The following SIPA1L3 variants were observed in gnomAD, a reference collection of about 807,000 sequenced individuals.
The protein encoded by SIPA1L3 is signal-induced proliferation-associated 1-like protein 3.
Under a neutral mutation model 150.1 loss-of-function variants are expected in SIPA1L3, and 59 were observed. That is an observed-to-expected ratio of 0.39 (90% confidence interval 0.32 to 0.49). The LOEUF (loss-of-function observed/expected upper bound fraction) is 0.49, where lower values mean the gene tolerates loss of function less well. Ranked by LOEUF, SIPA1L3 falls within the 20% of genes least tolerant of loss-of-function variation. The pLI is 0.86. For missense variants in SIPA1L3, 2,211 were observed against 2,489.5 expected (o/e 0.89, Z 2.38); for synonymous variants, 1,070 against 1,077.6 (o/e 0.99, Z 0.14).
intron 15 of SIPA1L3, among the ~76,000 whole-genome samples, chr19:38,170,521 C>G (rs559098890): frequency 1.3e-5 from 2 of 152,192 alleles, no homozygotes. Context: ...ATTGACTGCC[C>G]TATGTCTACC....
chr19:37,967,309 G>C (rs1178189361), intron 1 of SIPA1L3, among the ~76,000 whole-genome samples: 1 of 151,106 alleles, frequency 6.6e-6, no homozygotes, highest in East Asian at 1.9e-4. Flanking sequence ...CTGGAGTGCA[G>C]TGGTGTGATC....
At chr19:38,027,339 A>T (rs1447261601) in intron 1 of SIPA1L3, among the ~76,000 whole-genome samples, 2 of 152,154 alleles carry the variant, frequency 1.3e-5, no homozygotes, top group African/African-American at 4.8e-5. Context: ...CCAGGTTGCC[A>T]GTAGGAGTCC....
chr19:38,111,178 C>G (rs569681345), intron 8 of SIPA1L3, among the ~76,000 whole-genome samples: 4 of 151,970 alleles, frequency 2.6e-5, no homozygotes, highest in Non-Finnish European at 4.4e-5. Flanking sequence ...GTGCACACCC[C>G]CATGCCTGGC....
At chr19:37,946,822 T>A (rs2046716166) in intron 1 of SIPA1L3, among the ~76,000 whole-genome samples, 1 of 152,220 alleles carries the variant, frequency 6.6e-6, no homozygotes, top group African/African-American at 2.4e-5. Flanking sequence ...ATTTTCTTCC[T>A]AGTTATTTTA....
intron 1 of SIPA1L3, among the ~76,000 whole-genome samples, chr19:37,996,212 G>C (rs1243816666): frequency 6.6e-6 from 1 of 152,120 alleles, no homozygotes; most frequent in African/African-American, 2.4e-5. Flanking sequence ...ATAGGCGTGA[G>C]CCAGCACACC....
chr19:38,010,124 C>T (rs1968061486), intron 1 of SIPA1L3, among the ~76,000 whole-genome samples: 2 of 152,188 alleles, frequency 1.3e-5, no homozygotes, highest in South Asian at 4.2e-4. Flanking sequence ...GTTAGTAGAG[C>T]TATTAAGAAC....
At chr19:37,939,399 CAAAAAAA>C (rs753230257) in intron 1 of SIPA1L3, among the ~76,000 whole-genome samples, 2 of 69,218 alleles carry the variant, frequency 2.9e-5, no homozygotes, top group Admixed American at 1.6e-4. Flanking sequence ...GACTCCATGT[CAAAAAAA>C]AAAAAAAAAA....
At position 38,080,024 on chromosome 19, in the gene SIPA1L3, C is replaced by T. The variant is rs137952482; in HGVS notation, c.-310-1232C>T. ...GGAGAGACATGGAAGCCAGATCCTG[C>T]GGGGCTTGTGGAGCAGGGGAAGGAG... On this transcript the variant is annotated intron_variant, in intron 2 of 21. Coordinates refer to ENST00000222345, the MANE Select transcript of SIPA1L3 (RefSeq NM_015073.3). 1.2e-4 allele frequency among the ~76,000 whole-genome samples: 18 copies of T among 152,186 alleles called. No homozygotes were observed. In the East Asian group the frequency reaches 2.3e-3, roughly 20 times the overall value.
chr19:38,182,496 T>A, intron 15 of SIPA1L3, 23 bp from the exon 16 acceptor site: 1 of 1,557,344 alleles, frequency 6.4e-7, no homozygotes, highest in East Asian at 2.3e-5. Flanking sequence ...GTTTTTTTTA[T>A]CTCTTTCATT....
intron 2 of SIPA1L3, among the ~76,000 whole-genome samples, chr19:38,067,272 C>T (rs529824672): frequency 6.5e-4 from 99 of 152,186 alleles, no homozygotes; most frequent in African/African-American, 2.4e-3. Flanking sequence ...TTCTATTCCC[C>T]CAAGGGGAGA....
intron 1 of SIPA1L3, among the ~76,000 whole-genome samples, chr19:37,993,609 G>A (rs933188229): frequency 2.0e-5 from 3 of 152,202 alleles, no homozygotes; most frequent in African/African-American, 7.2e-5. Context: ...GATACGTTCA[G>A]GGGAACAGAT....
intron 18 of SIPA1L3, among the ~76,000 whole-genome samples, chr19:38,194,268 G>A (rs931177918): frequency 3.3e-5 from 5 of 152,220 alleles, no homozygotes; most frequent in East Asian, 3.9e-4. Flanking sequence ...AGCACTCCCC[G>A]TAAACAGGTA....
At chr19:37,941,452 GTTTT>G (rs573938334) in intron 1 of SIPA1L3, among the ~76,000 whole-genome samples, 2 of 115,696 alleles carry the variant, frequency 1.7e-5, no homozygotes, top group Non-Finnish European at 3.7e-5. Flanking sequence ...TCTGTTGTGT[GTTTT>G]TTTTTTTTTT....
At chr19:38,196,436 A>AGCAAGGAGGTCAAGGGCG (rs1555797202) in intron 18 of SIPA1L3, among the ~76,000 whole-genome samples, 28 of 136,768 alleles carry the variant, frequency 2.0e-4, no homozygotes, top group Non-Finnish European at 3.8e-4. Flanking sequence ...GGTCAAGGGC[A>AGCAAGGAGGTCAAGGGCG]GAGCAAGGAG....
intron 2 of SIPA1L3, among the ~76,000 whole-genome samples, chr19:38,055,883 A>G (rs1969303410): frequency 6.6e-6 from 1 of 152,246 alleles, no homozygotes; most frequent in African/African-American, 2.4e-5. Flanking sequence ...CCCACCCCAT[A>G]GGAGAGCTGA....
chr19:37,999,014 CA>C (rs1249502902), intron 1 of SIPA1L3, among the ~76,000 whole-genome samples: 15 of 150,190 alleles, frequency 1.0e-4, no homozygotes, highest in African/African-American at 3.4e-4. Context: ...CACACACACC[CA>C]CACACACACA....
intron 1 of SIPA1L3, among the ~76,000 whole-genome samples, chr19:37,944,278 A>C (rs1322346725): frequency 7.0e-6 from 1 of 141,850 alleles, no homozygotes; most frequent in Non-Finnish European, 1.6e-5. Flanking sequence ...ACTCCGTCTC[A>C]AAAAAAAAAA....
At chr19:38,060,400 A>C (rs1969421197) in intron 2 of SIPA1L3, among the ~76,000 whole-genome samples, 1 of 152,258 alleles carries the variant, frequency 6.6e-6, no homozygotes, top group Non-Finnish European at 1.5e-5. Flanking sequence ...AAATAAAACG[A>C]ATCCAACATG....
chr19:38,184,526 G>A (rs1352460691), intron 16 of SIPA1L3: 1 of 152,430 alleles, frequency 6.6e-6, no homozygotes, highest in Non-Finnish European at 1.5e-5. Flanking sequence ...CAGAGTCACA[G>A]GGCTGGTGAG....
Sources: allele counts gnomAD v4.1 joint callset (sites outside exome capture counted in the v4.1 genomes callset), GRCh38; gene constraint gnomAD v4.1.1; transcripts MANE v1.5; gene names NCBI Gene and HGNC (gene_info 2026-07-23, HGNC 2026-07-21).